SSH2: variants seen among roughly 807,000 people sequenced by gnomAD.
The protein encoded by SSH2 is slingshot protein phosphatase 2, also known as protein phosphatase Slingshot homolog 2.
Under a neutral mutation model 135.2 loss-of-function variants are expected in SSH2, and 37 were observed. That is an observed-to-expected ratio of 0.27 (90% confidence interval 0.21 to 0.36). The LOEUF (loss-of-function observed/expected upper bound fraction) is 0.36. Among genes scored for constraint, SSH2 ranks in the 10% least tolerant of loss-of-function variants. The pLI is 1.00. For synonymous variants in SSH2, 628 were observed against 646.2 expected (o/e 0.97, Z 0.43); for missense variants, 1,408 against 1,765.3 (o/e 0.80, Z 3.63).
At position 29,800,898 on chromosome 17, in the gene SSH2, C is replaced by G. The variant is rs2042240190; in HGVS notation, c.145-6961G>C. Among the ~76,000 whole-genome samples, 2 of 149,758 alleles carry G rather than the reference C, an allele frequency of 1.3e-5. 1 individual carries two copies. The highest frequency in any genetic ancestry group is 4.9e-5 in the African/African-American group (2 of 40,412). ...TCTTTTTTTTTGAGACAGAGTCTCACTCTGTTACCCAGGCTGGAGTGCAGT... is the reference window on the plus strand; with the variant it reads ...TCTTTTTTTTTGAGACAGAGTCTCAGTCTGTTACCCAGGCTGGAGTGCAGT... On this transcript the variant is annotated intron_variant, in intron 2 of 15. Coordinates refer to ENST00000540801, the MANE Select transcript of SSH2 (RefSeq NM_001282129.2).
intron 9 of SSH2, among the ~76,000 whole-genome samples, chr17:29,668,292 GAATACAGCT>G (rs2037357019): frequency 6.6e-6 from 1 of 152,230 alleles, no homozygotes; most frequent in Non-Finnish European, 1.5e-5. Flanking sequence ...GAACCCTACA[GAATACAGCT>G]AATACCTGAG....
chr17:29,786,468 C>T (rs961243419), intron 3 of SSH2, among the ~76,000 whole-genome samples: 1 of 152,174 alleles, frequency 6.6e-6, no homozygotes, highest in Non-Finnish European at 1.5e-5. Context: ...CCATAAATCC[C>T]ATTATTCTCA....
intron 14 of SSH2, chr17:29,640,855 C>T (rs1342959590): frequency 6.6e-6 from 1 of 151,860 alleles, no homozygotes; most frequent in Non-Finnish European, 1.5e-5. Context: ...CCTAATACTG[C>T]TTTGTTTTGC....
At chr17:29,754,854 T>TCC (rs2041063788) in intron 3 of SSH2, among the ~76,000 whole-genome samples, 1 of 152,118 alleles carries the variant, frequency 6.6e-6, no homozygotes, top group Non-Finnish European at 1.5e-5. Flanking sequence ...AGACAGGGTC[T>TCC]CCCTGTGTTG....
At chr17:29,691,250 C>T (rs771176989) in intron 5 of SSH2, among the ~76,000 whole-genome samples, 1 of 152,152 alleles carries the variant, frequency 6.6e-6, no homozygotes, top group Non-Finnish European at 1.5e-5. Flanking sequence ...TGTACCTTAT[C>T]AACACTTCAG....
At position 29,632,789 on chromosome 17, in the gene SSH2, T is replaced by C. The variant is rs374303633; in HGVS notation, c.2405A>G (p.Asn802Ser). ...GTTCTTCTTTGGTGTATGGCATGGG[T>C]TGGGTAAGATGTCTCCTTTCAGTTG... ...QIQLKGDILP[N>S]PCHTPKKNSI... Residue 802 changes from asparagine (N) to serine (S), a missense_variant, in exon 16 of 16, where the codon AAC becomes AGC. Coordinates refer to ENST00000540801, the MANE Select transcript of SSH2 (RefSeq NM_001282129.2). 2 of 1,613,880 alleles carry C rather than the reference T, an allele frequency of 1.2e-6. No homozygotes were observed. Among genetic ancestry groups the C allele is most frequent in the Non-Finnish European group, 8.5e-7 (1 of 1,179,954 alleles).
chr17:29,826,201 T>C (rs1248991136), intron 2 of SSH2, among the ~76,000 whole-genome samples: 1 of 152,176 alleles, frequency 6.6e-6, no homozygotes, highest in Non-Finnish European at 1.5e-5. Flanking sequence ...GGATATTCTG[T>C]TCCATGTTGT....
intron 3 of SSH2, among the ~76,000 whole-genome samples, chr17:29,724,581 C>CTT (rs560435177): frequency 6.8e-4 from 52 of 76,528 alleles, no homozygotes; most frequent in Non-Finnish European, 8.2e-4. Flanking sequence ...ATTACCAAAT[C>CTT]TTTTTTTTTT....
intron 3 of SSH2, among the ~76,000 whole-genome samples, chr17:29,721,005 A>G (rs566062137): frequency 6.6e-6 from 1 of 152,344 alleles, no homozygotes; most frequent in East Asian, 1.9e-4. Flanking sequence ...TAATTTATTA[A>G]GCTTTCTTGA....
intron 1 of SSH2, among the ~76,000 whole-genome samples, chr17:29,924,420 ACTTAGATGGACAT>A (rs1413378878): frequency 6.6e-6 from 1 of 152,214 alleles, no homozygotes; most frequent in Non-Finnish European, 1.5e-5. Flanking sequence ...CTTTGGTGAA[ACTTAGATGGACAT>A]CTATCTAAAA....
At chr17:29,767,629 G>GCACACACACA (rs35751093) in intron 3 of SSH2, among the ~76,000 whole-genome samples, 1 of 147,510 alleles carries the variant, frequency 6.8e-6, no homozygotes, top group Non-Finnish European at 1.5e-5. Flanking sequence ...GCACACACAC[G>GCACACACACA]CACACACACA....
chr17:29,733,434 T>C (rs2040262924), intron 3 of SSH2, among the ~76,000 whole-genome samples: 1 of 152,240 alleles, frequency 6.6e-6, no homozygotes, highest in African/African-American at 2.4e-5. Context: ...ATGTTTATCT[T>C]CAAAGAAACT....
chr17:29,679,762 T>A (rs1209594881), intron 6 of SSH2, among the ~76,000 whole-genome samples: 1 of 152,228 alleles, frequency 6.6e-6, no homozygotes, highest in East Asian at 1.9e-4. Context: ...TCTTCATTTG[T>A]AAAACTGGGA....
intron 6 of SSH2, among the ~76,000 whole-genome samples, chr17:29,683,561 T>C (rs925157009): frequency 1.3e-5 from 2 of 152,134 alleles, no homozygotes; most frequent in African/African-American, 4.8e-5. Context: ...GGGATCTCTT[T>C]GTATCTGGGA....
At chr17:29,647,710 C>A (rs776173969) in intron 14 of SSH2, 1 of 164,510 alleles carries the variant, frequency 6.1e-6, no homozygotes, top group Non-Finnish European at 1.3e-5. Flanking sequence ...GTTACCCAGG[C>A]TGGAGTGCAT....
chr17:29,745,882 ATGAACTC>A (rs2040743520), intron 3 of SSH2, among the ~76,000 whole-genome samples: 1 of 152,250 alleles, frequency 6.6e-6, no homozygotes, highest in South Asian at 2.1e-4. Context: ...ATAATAAATG[ATGAACTC>A]TGGAGCTCAG....
rs575459066 is a variant in SSH2 at position 29,738,639 on chromosome 17, C to G, written c.189-35577G>C. On this transcript the variant is annotated intron_variant, in intron 3 of 15. Transcript: ENST00000540801. ...TGCAATCTTGGCTCACTGCAAGCTGCGGCTTCCGGGTTCACACCATTCTCC... is the reference window on the plus strand; with the variant it reads ...TGCAATCTTGGCTCACTGCAAGCTGGGGCTTCCGGGTTCACACCATTCTCC... 2.0e-5 allele frequency among the ~76,000 whole-genome samples: 3 copies of G among 150,992 alleles called. No individual in the cohort carries two copies. The Admixed American group carries it at 2.0e-4, about 10-fold the overall frequency.
chr17:29,878,786 A>T (rs1403324138), intron 1 of SSH2, among the ~76,000 whole-genome samples: 4 of 152,222 alleles, frequency 2.6e-5, no homozygotes, highest in African/African-American at 9.6e-5. Flanking sequence ...CTATGTTATG[A>T]TTGTAATAAG....
chr17:29,848,152 A>G (rs576731380), intron 2 of SSH2, among the ~76,000 whole-genome samples: 3 of 152,214 alleles, frequency 2.0e-5, no homozygotes, highest in Non-Finnish European at 4.4e-5. Context: ...AGGCCATTCA[A>G]TACTCAGGGG....
Sources: allele counts gnomAD v4.1 joint callset (sites outside exome capture counted in the v4.1 genomes callset), GRCh38; gene constraint gnomAD v4.1.1; transcripts MANE v1.5; gene names NCBI Gene and HGNC (gene_info 2026-07-23, HGNC 2026-07-21).